ACYP2: variants seen among roughly 807,000 people sequenced by gnomAD.
The protein encoded by ACYP2 is acylphosphatase-2.
A neutral mutation model predicts 11.2 loss-of-function variants in ACYP2; 12 were observed. The observed-to-expected ratio is 1.08, with a 90% CI of 0.69 to 1.74. ACYP2 has a LOEUF of 1.74. Ranked by LOEUF, ACYP2 falls within the 40% of genes most tolerant of loss-of-function variation. The pLI, the probability that ACYP2 is intolerant of heterozygous loss-of-function variation, is 0.00. For synonymous variants in ACYP2, 43 were observed against 32.2 expected (o/e 1.33, Z -1.13); for missense variants, 134 against 101.9 (o/e 1.31, Z -1.35).
At chr2:54,013,255 ATGTGTGTGTG>A (rs60289014) in intron 2 of ACYP2, among the ~76,000 whole-genome samples, 7,264 of 117,468 alleles carry the variant, frequency 0.062, 438 homozygotes, top group East Asian at 0.23. Context: ...ACCATCTAAT[ATGTGTGTGTG>A]TGTGTGTGTG....
chr2:54,148,169 T>C (rs1182958763), intron 6 of ACYP2, among the ~76,000 whole-genome samples: 1 of 152,156 alleles, frequency 6.6e-6, no homozygotes, highest in Non-Finnish European at 1.5e-5. Flanking sequence ...TATCTACTTG[T>C]GTTCCATTGG....
chr2:54,155,116 A>G (rs945314976), intron 6 of ACYP2, among the ~76,000 whole-genome samples: 1 of 152,102 alleles, frequency 6.6e-6, no homozygotes, highest in Non-Finnish European at 1.5e-5. Context: ...GATTCTTTGT[A>G]TTCTGTGGTA....
At chr2:54,278,566 C>A (rs1688714306) in intron 6 of ACYP2, among the ~76,000 whole-genome samples, 1 of 152,148 alleles carries the variant, frequency 6.6e-6, no homozygotes, top group Non-Finnish European at 1.5e-5. Flanking sequence ...GTGGGGAAAA[C>A]TGCTAGGATT....
intron 3 of ACYP2, chr2:54,051,175 G>T: frequency 1.4e-6 from 1 of 714,336 alleles, no homozygotes; most frequent in African/African-American, 1.7e-5. Context: ...CAGGCATTGG[G>T]CGACTCTGCC....
intron 4 of ACYP2, among the ~76,000 whole-genome samples, chr2:54,069,669 C>CA (rs1676925879): frequency 6.6e-6 from 1 of 151,354 alleles, no homozygotes; most frequent in East Asian, 2.0e-4. Context: ...CTCAAAAAAA[C>CA]AAAAAACAAA....
intron 2 of ACYP2, among the ~76,000 whole-genome samples, chr2:53,982,313 C>G (rs958654658): frequency 2.6e-5 from 4 of 152,078 alleles, no homozygotes; most frequent in African/African-American, 9.7e-5. Context: ...AGCAGAATAC[C>G]TTTTGAAATT....
intron 2 of ACYP2, among the ~76,000 whole-genome samples, chr2:53,996,337 C>A (rs1252903574): frequency 1.3e-5 from 2 of 151,816 alleles, no homozygotes; most frequent in African/African-American, 2.4e-5. Context: ...GGGATGTACA[C>A]CTATGAGAGA....
At chr2:54,249,944 A>C (rs1687138209) in intron 6 of ACYP2, among the ~76,000 whole-genome samples, 1 of 135,712 alleles carries the variant, frequency 7.4e-6, no homozygotes, top group Non-Finnish European at 1.5e-5. Flanking sequence ...CTGTCTCAAA[A>C]AAAAAAAAAA....
chr2:54,178,388 C>A (rs1683562347), intron 6 of ACYP2, among the ~76,000 whole-genome samples: 1 of 152,098 alleles, frequency 6.6e-6, no homozygotes, highest in Non-Finnish European at 1.5e-5. Context: ...TTGTTCTGAT[C>A]CACCTGATTT....
chr2:54,039,465 T>C (rs1197839271), intron 2 of ACYP2, among the ~76,000 whole-genome samples: 1 of 151,970 alleles, frequency 6.6e-6, no homozygotes, highest in Non-Finnish European at 1.5e-5. Flanking sequence ...CTAATTTTTG[T>C]ATTTTTTCTA....
chr2:54,195,329 T>C (rs1684417870), intron 6 of ACYP2, among the ~76,000 whole-genome samples: 1 of 152,252 alleles, frequency 6.6e-6, no homozygotes, highest in African/African-American at 2.4e-5. Context: ...AACTGAGAGA[T>C]GATATTAATA....
chr2:54,289,495 G>A (rs961035848), intron 6 of ACYP2, among the ~76,000 whole-genome samples: 2 of 152,068 alleles, frequency 1.3e-5, no homozygotes, highest in African/African-American at 2.4e-5. Context: ...TTATTAGGAA[G>A]ATACATATTT....
rs575317817 is a variant in ACYP2 at position 54,296,945 on chromosome 2, C to T, written c.405-7743C>T. Reference sequence around the variant, plus strand: ...GCACACAAAACTGATTCAGATTTACCGCAGAAATACTAGATTTCAATGGGA... The same window carrying T: ...GCACACAAAACTGATTCAGATTTACTGCAGAAATACTAGATTTCAATGGGA... On this transcript the variant is annotated intron_variant, in intron 6 of 6. Coordinates refer to ENST00000607452, the MANE Select transcript of ACYP2 (RefSeq NM_001320586.2). 3.9e-5 allele frequency among the ~76,000 whole-genome samples: 6 copies of T among 152,066 alleles called. No individual in the cohort carries two copies. The East Asian group carries it at 1.2e-3, about 29-fold the overall frequency.
intron 6 of ACYP2, among the ~76,000 whole-genome samples, chr2:54,156,395 A>T (rs775406229): frequency 1.3e-5 from 2 of 152,080 alleles, no homozygotes; most frequent in Non-Finnish European, 2.9e-5. Context: ...TGCATTAGCT[A>T]TTTATCCTGA....
intron 6 of ACYP2, among the ~76,000 whole-genome samples, chr2:54,187,670 T>A (rs1045270129): frequency 6.6e-6 from 1 of 152,162 alleles, no homozygotes; most frequent in Non-Finnish European, 1.5e-5. Flanking sequence ...TGGTAAGCAC[T>A]GGGCACAAGG....
intron 2 of ACYP2, among the ~76,000 whole-genome samples, chr2:54,042,986 A>T (rs1371897372): frequency 6.6e-6 from 1 of 152,182 alleles, no homozygotes; most frequent in Non-Finnish European, 1.5e-5. Flanking sequence ...CATAGCCATC[A>T]GTCCATGCGT....
intron 6 of ACYP2, among the ~76,000 whole-genome samples, chr2:54,166,159 C>T (rs986878802): frequency 2.0e-5 from 3 of 152,136 alleles, no homozygotes; most frequent in South Asian, 2.1e-4. Context: ...AAAGTGTGTG[C>T]GCTCCACTTG....
At chr2:54,116,363 G>A (rs1274276437) in intron 4 of ACYP2, among the ~76,000 whole-genome samples, 7 of 152,084 alleles carry the variant, frequency 4.6e-5, no homozygotes, top group Admixed American at 3.9e-4. Flanking sequence ...AATATAAATA[G>A]GGTAGTGATT....
chr2:54,014,478 C>T (rs1673569188), intron 2 of ACYP2, among the ~76,000 whole-genome samples: 1 of 151,916 alleles, frequency 6.6e-6, no homozygotes, highest in African/African-American at 2.4e-5. Context: ...CACCACCAGG[C>T]CTGGCTAATT....
Sources: allele counts gnomAD v4.1 joint callset (sites outside exome capture counted in the v4.1 genomes callset), GRCh38; gene constraint gnomAD v4.1.1; transcripts MANE v1.5; gene names NCBI Gene and HGNC (gene_info 2026-07-23, HGNC 2026-07-21).